Variants in KCNH5 observed in about 807,000 individuals in gnomAD.
KCNH5 encodes voltage-gated delayed rectifier potassium channel KCNH5.
Under a neutral mutation model 96.1 loss-of-function variants are expected in KCNH5, and 46 were observed. The observed-to-expected ratio is 0.48, with a 90% CI of 0.38 to 0.61. The LOEUF (loss-of-function observed/expected upper bound fraction) is 0.61. KCNH5 is among the 20% of genes least tolerant of loss of function. The probability of loss-of-function intolerance (pLI) is 0.00; values close to 1 mark genes in which losing one functional copy is unlikely to be tolerated. For missense variants in KCNH5, 907 were observed against 1,225.8 expected (o/e 0.74, Z 3.88); for synonymous variants, 439 against 449.8 (o/e 0.98, Z 0.30).
rs1351392488 is a variant in KCNH5 at position 62,708,517 on chromosome 14, A to G, written c.2020-62T>C. On this transcript the variant is annotated intron_variant, in intron 10 of 10. Transcript: ENST00000322893. ...AAAGCAGATGGATTAACAGTTGTAT[A>G]ATACTATGCTGTATGTGCTTTGTGT... 3.9e-6 allele frequency: 4 copies of G among 1,027,130 alleles called. No individual in the cohort carries two copies. In the East Asian group the frequency reaches 9.6e-5, roughly 25 times the overall value. 63.6% of individuals were successfully genotyped at this position (1,027,130 alleles called of 1,614,324 possible).
chr14:62,917,336 G>A (rs1293038863), intron 7 of KCNH5, among the ~76,000 whole-genome samples: 1 of 150,758 alleles, frequency 6.6e-6, no homozygotes, highest in Non-Finnish European at 1.5e-5. Context: ...GACATAAAAG[G>A]CAGAAATGGT....
chr14:62,965,225 G>A (rs1469862577), intron 6 of KCNH5, among the ~76,000 whole-genome samples: 3 of 152,078 alleles, frequency 2.0e-5, no homozygotes, highest in East Asian at 1.9e-4. Context: ...CTCAAGTTGA[G>A]ATTTGATCCC....
At chr14:63,029,526 G>A (rs1891587251) in intron 1 of KCNH5, among the ~76,000 whole-genome samples, 1 of 151,936 alleles carries the variant, frequency 6.6e-6, no homozygotes. Flanking sequence ...TTTGTGGCGG[G>A]GGGGATGTAT....
In KCNH5 at chr14:62,874,408, A is replaced by G. The variant is rs1888326216; in HGVS notation, c.1370-24556T>C. 2.0e-5 allele frequency among the ~76,000 whole-genome samples: 3 copies of G among 152,234 alleles called. No individual in the cohort carries two copies. In the South Asian group the frequency reaches 6.2e-4, roughly 32 times the overall value. On this transcript the variant is annotated intron_variant, in intron 7 of 10. Transcript: ENST00000322893. ...CATTAGAGAAATGCAAATCAAAACCACAATGAGATACCATCTCACACCAGT... is the reference window on the plus strand; with the variant it reads ...CATTAGAGAAATGCAAATCAAAACCGCAATGAGATACCATCTCACACCAGT...
intron 10 of KCNH5, among the ~76,000 whole-genome samples, chr14:62,736,780 T>C (rs1338799927): frequency 6.6e-6 from 1 of 152,214 alleles, no homozygotes; most frequent in Non-Finnish European, 1.5e-5. Context: ...TCAGGTTTTA[T>C]CTAAAGTAAA....
chr14:62,972,100 A>T (rs1208266544), intron 6 of KCNH5, among the ~76,000 whole-genome samples: 1 of 152,184 alleles, frequency 6.6e-6, no homozygotes. Flanking sequence ...TTTGCAAAAG[A>T]CATCTAATAA....
chr14:63,009,894 T>C (rs545934691), intron 2 of KCNH5, among the ~76,000 whole-genome samples: 1 of 152,320 alleles, frequency 6.6e-6, no homozygotes, highest in East Asian at 1.9e-4. Context: ...TCACAAATTA[T>C]AGAAATAGTA....
intron 5 of KCNH5, among the ~76,000 whole-genome samples, chr14:62,986,685 C>T (rs1890714843): frequency 6.6e-6 from 1 of 152,152 alleles, no homozygotes. Context: ...TCAGTTTCCT[C>T]TGCTGGATAT....
At chr14:62,784,121 C>A (rs980387431) in intron 9 of KCNH5, among the ~76,000 whole-genome samples, 1 of 152,090 alleles carries the variant, frequency 6.6e-6, no homozygotes, top group African/African-American at 2.4e-5. Flanking sequence ...GCTGGGGAGG[C>A]CTCACAATCA....
At chr14:62,720,145 G>C (rs1469456164) in intron 10 of KCNH5, among the ~76,000 whole-genome samples, 3 of 152,232 alleles carry the variant, frequency 2.0e-5, no homozygotes, top group Non-Finnish European at 4.4e-5. Context: ...AGGGCTCAGA[G>C]AGGGGAAATC....
At chr14:62,906,814 T>A (rs1425883644) in intron 7 of KCNH5, among the ~76,000 whole-genome samples, 4 of 152,160 alleles carry the variant, frequency 2.6e-5, no homozygotes, top group Non-Finnish European at 4.4e-5. Context: ...ACTTTCCTCA[T>A]CAGCAAGAAA....
At chr14:62,897,966 A>C (rs917137899) in intron 7 of KCNH5, among the ~76,000 whole-genome samples, 4 of 152,164 alleles carry the variant, frequency 2.6e-5, no homozygotes, top group African/African-American at 7.2e-5. Flanking sequence ...TGGATGTGAA[A>C]ATTTCTCATT....
intron 7 of KCNH5, among the ~76,000 whole-genome samples, chr14:62,906,098 T>C (rs1333700734): frequency 2.0e-5 from 3 of 152,258 alleles, no homozygotes; most frequent in Non-Finnish European, 4.4e-5. Flanking sequence ...AGCATTTTAA[T>C]ATCTAGACCA....
intron 6 of KCNH5, among the ~76,000 whole-genome samples, chr14:62,979,429 G>A (rs1890564891): frequency 6.6e-6 from 1 of 151,686 alleles, no homozygotes; most frequent in Non-Finnish European, 1.5e-5. Context: ...TTAAATTTGG[G>A]GGAAATAATA....
intron 7 of KCNH5, among the ~76,000 whole-genome samples, chr14:62,853,464 T>TATATATATATATATCATATAG (rs1566682632): frequency 1.6e-5 from 2 of 122,884 alleles, no homozygotes; most frequent in South Asian, 5.1e-4. Flanking sequence ...ATCATATATA[T>TATATATATATATATCATATAG]ATATATATAT....
At chr14:62,920,074 G>A (rs1889351260) in intron 7 of KCNH5, among the ~76,000 whole-genome samples, 2 of 152,084 alleles carry the variant, frequency 1.3e-5, no homozygotes, top group Admixed American at 1.3e-4. Context: ...CCATCTCCAT[G>A]ATGAGTTGGC....
chr14:62,874,312 A>G (rs1424698344), intron 7 of KCNH5, among the ~76,000 whole-genome samples: 1 of 152,202 alleles, frequency 6.6e-6, no homozygotes, highest in Admixed American at 6.5e-5. Flanking sequence ...TAGGCAAACA[A>G]AAAGACACTT....
At chr14:62,889,829 A>G (rs1483442368) in intron 7 of KCNH5, among the ~76,000 whole-genome samples, 2 of 152,262 alleles carry the variant, frequency 1.3e-5, no homozygotes, top group East Asian at 3.8e-4. Context: ...GAAGCTAATT[A>G]TCCATGGGTA....
At chr14:62,865,986 A>G (rs1323548439) in intron 7 of KCNH5, among the ~76,000 whole-genome samples, 1 of 152,226 alleles carries the variant, frequency 6.6e-6, no homozygotes, top group Non-Finnish European at 1.5e-5. Context: ...GACAATCATC[A>G]TCGTCATCTA....
Sources: allele counts gnomAD v4.1 joint callset (sites outside exome capture counted in the v4.1 genomes callset), GRCh38; gene constraint gnomAD v4.1.1; transcripts MANE v1.5; gene names NCBI Gene and HGNC (gene_info 2026-07-23, HGNC 2026-07-21).